The following RIT2 variants were observed in gnomAD, a reference collection of about 807,000 sequenced individuals.
RIT2 encodes Ras like without CAAX 2.
Under a neutral mutation model 23.7 loss-of-function variants are expected in RIT2, and 24 were observed. The observed-to-expected ratio is 1.01, with a 90% CI of 0.73 to 1.43. The LOEUF (loss-of-function observed/expected upper bound fraction) is 1.43. Among genes scored for constraint, RIT2 ranks in the 40% most tolerant of loss-of-function variants. The probability of loss-of-function intolerance (pLI) is 0.00; values close to 1 mark genes in which losing one functional copy is unlikely to be tolerated. For missense variants in RIT2, 236 were observed against 266.9 expected (o/e 0.88, Z 0.81); for synonymous variants, 107 against 91.1 (o/e 1.17, Z -0.99).
intron 4 of RIT2, among the ~76,000 whole-genome samples, chr18:42,854,468 T>C (rs1472757061): frequency 6.6e-6 from 1 of 152,126 alleles, no homozygotes; most frequent in African/African-American, 2.4e-5. Flanking sequence ...GGGTGAAACA[T>C]TTTTGTGTGG....
chr18:43,011,905 T>G (rs1254383772), intron 2 of RIT2, among the ~76,000 whole-genome samples: 1 of 151,882 alleles, frequency 6.6e-6, no homozygotes, highest in Non-Finnish European at 1.5e-5. Context: ...TGTATTTTAA[T>G]CAGGAACATC....
chr18:43,067,731 A>T (rs1318538833), intron 1 of RIT2, among the ~76,000 whole-genome samples: 1 of 152,116 alleles, frequency 6.6e-6, no homozygotes, highest in African/African-American at 2.4e-5. Flanking sequence ...ATCAGACTTA[A>T]GGTCTATGTT....
intron 4 of RIT2, among the ~76,000 whole-genome samples, chr18:42,813,516 AT>A (rs1158919533): frequency 6.6e-6 from 1 of 152,178 alleles, no homozygotes; most frequent in Non-Finnish European, 1.5e-5. Flanking sequence ...CTAAACTTAT[AT>A]TTGTACATAT....
intron 2 of RIT2, among the ~76,000 whole-genome samples, chr18:43,026,328 G>C (rs1427067831): frequency 6.6e-6 from 1 of 152,138 alleles, no homozygotes; most frequent in South Asian, 2.1e-4. Context: ...AGCCAACGCT[G>C]GTGGATCACG....
At chr18:43,107,821 T>C (rs1913860397) in intron 1 of RIT2, among the ~76,000 whole-genome samples, 1 of 152,020 alleles carries the variant, frequency 6.6e-6, no homozygotes, top group Admixed American at 6.6e-5. Context: ...AAATTAAAAA[T>C]ATTAAAATAT....
intron 3 of RIT2, among the ~76,000 whole-genome samples, chr18:42,952,947 T>C (rs920694366): frequency 7.1e-6 from 1 of 140,532 alleles, no homozygotes; most frequent in Non-Finnish European, 1.5e-5. Flanking sequence ...TCCTGAGGTG[T>C]TTTTTTTTTT....
intron 4 of RIT2, among the ~76,000 whole-genome samples, chr18:42,863,890 G>A (rs149169202): frequency 2.6e-5 from 4 of 152,244 alleles, no homozygotes; most frequent in African/African-American, 9.6e-5. Context: ...CTAGTGAGAA[G>A]CCAAAATAAA....
intron 2 of RIT2, among the ~76,000 whole-genome samples, chr18:42,983,889 G>A (rs1197600110): frequency 3.9e-5 from 6 of 151,982 alleles, no homozygotes; most frequent in Non-Finnish European, 7.4e-5. Context: ...ATAAAAATTG[G>A]ATCATGGACA....
At chr18:42,831,350 A>G (rs1906452272) in intron 4 of RIT2, among the ~76,000 whole-genome samples, 1 of 152,236 alleles carries the variant, frequency 6.6e-6, no homozygotes, top group Non-Finnish European at 1.5e-5. Flanking sequence ...GAAGGACAGT[A>G]GGAAACTCCC....
chr18:42,858,180 C>CA (rs1907237203), intron 4 of RIT2, among the ~76,000 whole-genome samples: 1 of 152,060 alleles, frequency 6.6e-6, no homozygotes, highest in Non-Finnish European at 1.5e-5. Flanking sequence ...GACTCTGTCT[C>CA]AAAAAACAAA....
intron 1 of RIT2, among the ~76,000 whole-genome samples, chr18:43,074,629 A>G (rs1237060302): frequency 6.6e-6 from 1 of 152,198 alleles, no homozygotes; most frequent in Non-Finnish European, 1.5e-5. Context: ...CACAATAGCA[A>G]TGACATGGAA....
chr18:42,964,169 C>T (rs1011364331), intron 3 of RIT2, among the ~76,000 whole-genome samples: 11 of 151,634 alleles, frequency 7.3e-5, no homozygotes, highest in East Asian at 3.9e-4. Context: ...CCAGCCTGGG[C>T]GAAAGGCCGA....
intron 2 of RIT2, among the ~76,000 whole-genome samples, chr18:42,996,382 A>C (rs936802504): frequency 6.6e-6 from 1 of 152,072 alleles, no homozygotes; most frequent in Non-Finnish European, 1.5e-5. Flanking sequence ...TTTCTTATTA[A>C]TATAAGAAGA....
chr18:42,768,294 C>G (rs1913472734), intron 4 of RIT2, among the ~76,000 whole-genome samples: 1 of 152,056 alleles, frequency 6.6e-6, no homozygotes. Context: ...ATGGCAGGCT[C>G]AAGTGCTGGC....
intron 2 of RIT2, among the ~76,000 whole-genome samples, chr18:42,997,907 T>C (rs932832557): frequency 1.2e-4 from 19 of 152,160 alleles, no homozygotes; most frequent in African/African-American, 4.3e-4. Flanking sequence ...ATAGAGTTAT[T>C]TTTCCATGTC....
intron 4 of RIT2, among the ~76,000 whole-genome samples, chr18:42,772,614 A>G (rs1237551530): frequency 6.6e-6 from 1 of 152,080 alleles, no homozygotes; most frequent in Non-Finnish European, 1.5e-5. Flanking sequence ...TTAGGATGCT[A>G]GGTTCACCTA....
At chr18:43,018,056 T>C (rs922825475) in intron 2 of RIT2, among the ~76,000 whole-genome samples, 3 of 151,912 alleles carry the variant, frequency 2.0e-5, no homozygotes, top group Non-Finnish European at 4.4e-5. Flanking sequence ...ACATAAAGAG[T>C]TAGTAAGGGG....
intron 4 of RIT2, among the ~76,000 whole-genome samples, chr18:42,749,658 T>C (rs1913000056): frequency 6.6e-6 from 1 of 151,548 alleles, no homozygotes; most frequent in Non-Finnish European, 1.5e-5. Context: ...ACTACAAACA[T>C]AAAAAAGATA....
At chr18:42,790,756 G>C (rs1191114719) in intron 4 of RIT2, among the ~76,000 whole-genome samples, 2 of 152,190 alleles carry the variant, frequency 1.3e-5, no homozygotes, top group Non-Finnish European at 2.9e-5. Flanking sequence ...CTAACTTAAA[G>C]TTTTTAAATT....
Sources: allele counts gnomAD v4.1 joint callset (sites outside exome capture counted in the v4.1 genomes callset), GRCh38; gene constraint gnomAD v4.1.1; transcripts MANE v1.5; gene names NCBI Gene and HGNC (gene_info 2026-07-23, HGNC 2026-07-21).